Variants in AGAP1 observed in about 807,000 individuals in gnomAD.
AGAP1 encodes the protein ArfGAP with GTPase domain, ankyrin repeat and PH domain 1, also known as arf-GAP with GTPase, ANK repeat and PH domain-containing protein 1.
AGAP1 carries 29 observed loss-of-function variants against 105.3 expected under a neutral mutation model. The observed-to-expected ratio is 0.28, with a 90% confidence interval of 0.21 to 0.38. AGAP1 has a LOEUF of 0.38. Ranked by LOEUF, AGAP1 falls within the 10% of genes least tolerant of loss-of-function variation. AGAP1 has a pLI of 1.00. For synonymous variants in AGAP1, 509 were observed against 485.9 expected (o/e 1.05, Z -0.63); for missense variants, 998 against 1,165.1 (o/e 0.86, Z 2.09).
rs1303915689 is a variant in AGAP1 at position 235,659,604 on chromosome 2, C to A, written c.164-49575C>A. ...GAACGTGCCATTTGAAGCATAGCAA[C>A]CATTACTTTGAGAACCTGTGCAGGT... On this transcript the variant is annotated intron_variant, in intron 1 of 17. Coordinates refer to ENST00000304032, the MANE Select transcript of AGAP1 (RefSeq NM_001037131.3). The surrounding 1 kb of genome is among the most constrained non-coding windows in gnomAD (Gnocchi z 5.0). Among the ~76,000 whole-genome samples the A allele has an allele frequency of 1.3e-5, 2 of 152,206 alleles. No individual in the cohort carries two copies. Among genetic ancestry groups the A allele is most frequent in the Admixed American group, 6.5e-5 (1 of 15,284 alleles).
chr2:235,835,385 C>T (rs1559543780), intron 9 of AGAP1, among the ~76,000 whole-genome samples: 1 of 152,370 alleles, frequency 6.6e-6, no homozygotes, highest in Admixed American at 6.5e-5. Flanking sequence ...TGTGCTGCCA[C>T]ACCTGGCAGA....
chr2:235,780,045 G>T (rs771304414), intron 6 of AGAP1, among the ~76,000 whole-genome samples: 3 of 152,212 alleles, frequency 2.0e-5, no homozygotes, highest in Non-Finnish European at 4.4e-5. Flanking sequence ...AAGACCTGGA[G>T]TGATGGTATC....
At chr2:235,819,650 C>G (rs1007461250) in intron 9 of AGAP1, among the ~76,000 whole-genome samples, 1 of 152,052 alleles carries the variant, frequency 6.6e-6, no homozygotes, top group Non-Finnish European at 1.5e-5. Context: ...GAGATGTGTG[C>G]TCTTTCCTTT....
chr2:235,933,729 C>T (rs879465802), intron 12 of AGAP1, among the ~76,000 whole-genome samples: 8 of 151,598 alleles, frequency 5.3e-5, no homozygotes, highest in Non-Finnish European at 8.8e-5. Context: ...GACGGGGTTT[C>T]ACCATGTTGG....
intron 9 of AGAP1, among the ~76,000 whole-genome samples, chr2:235,817,976 G>A (rs1958555586): frequency 6.6e-6 from 1 of 152,210 alleles, no homozygotes; most frequent in Non-Finnish European, 1.5e-5. Flanking sequence ...GTTAATGTTT[G>A]CAGACTGGTG....
rs1944010890 is a variant in AGAP1 at position 235,557,477 on chromosome 2, G to A, written c.163+62628G>A. On this transcript the variant is annotated intron_variant, in intron 1 of 17. Transcript: ENST00000304032. The surrounding 1 kb of genome is among the most constrained non-coding windows in gnomAD (Gnocchi z 4.7). ...GCATGAAGTCTGAGTTCATTCCGAA[G>A]ATTCTGGCTTTTGAGAACTTATATA... Among the ~76,000 whole-genome samples, 3 of 152,200 alleles carry A rather than the reference G, an allele frequency of 2.0e-5. No homozygotes were observed. In the South Asian group the frequency reaches 6.2e-4, roughly 32 times the overall value.
rs1160704930 is a variant in AGAP1 at position 235,994,984 on chromosome 2, T to C, written c.1645+26361T>C. Among the ~76,000 whole-genome samples, 1 of 138,456 alleles carries C rather than the reference T, an allele frequency of 7.2e-6. No homozygotes were observed. The highest frequency in any genetic ancestry group is 1.5e-5 in the Non-Finnish European group (1 of 66,028). 90.8% of individuals were successfully genotyped at this position (138,456 alleles called of 152,430 possible). ...TGGGAGGCTGAGGCAAGAGAATTGC[T>C]TGAACCCGGGAGGCAGAGGTTGCAG... On this transcript the variant is annotated intron_variant, in intron 13 of 17. Coordinates refer to ENST00000304032, the MANE Select transcript of AGAP1 (RefSeq NM_001037131.3). The surrounding 1 kb of genome is among the most constrained non-coding windows in gnomAD (Gnocchi z 4.4).
At position 236,087,692 on chromosome 2, in the gene AGAP1, T is replaced by C. The variant is rs2058968228; in HGVS notation, c.2115-32500T>C. ...GTGCCGTGAATAGTCTCATAAGCCA[T>C]GTAAGTGGCCTTATTGGTTAAGTGA... On this transcript the variant is annotated intron_variant, in intron 16 of 17. Transcript: ENST00000304032. This position sits in a 1 kb window ranked among gnomAD's most constrained non-coding sequence, Gnocchi z 5.7. Among the ~76,000 whole-genome samples, 1 of 152,214 alleles carries C rather than the reference T, an allele frequency of 6.6e-6. No homozygotes were observed. Among genetic ancestry groups the C allele is most frequent in the Non-Finnish European group, 1.5e-5 (1 of 68,036 alleles).
At chr2:236,018,337 T>C (rs766802874) in intron 13 of AGAP1, among the ~76,000 whole-genome samples, 4 of 152,172 alleles carry the variant, frequency 2.6e-5, no homozygotes, top group African/African-American at 4.8e-5. Context: ...AATGTTCAAC[T>C]GAAAGTAAAT....
chr2:235,980,709 A>T (rs2125405737), intron 13 of AGAP1, among the ~76,000 whole-genome samples: 2 of 152,278 alleles, frequency 1.3e-5, no homozygotes, highest in South Asian at 2.1e-4. Context: ...TAGGCAGAGA[A>T]TTCTTCCTAC....
chr2:236,098,248 T>A (rs1440691805), intron 16 of AGAP1, among the ~76,000 whole-genome samples: 1 of 152,152 alleles, frequency 6.6e-6, no homozygotes, highest in Non-Finnish European at 1.5e-5. Flanking sequence ...TGAACCGTCA[T>A]ACCGGTTTTT....
At chr2:235,764,704 C>CATCTGGGAGCGTCCGTGGGTTGGGGGT (rs1954775957) in intron 6 of AGAP1, among the ~76,000 whole-genome samples, 1 of 76,976 alleles carries the variant, frequency 1.3e-5, no homozygotes, top group Non-Finnish European at 2.6e-5. Flanking sequence ...GGGGTGGGGG[C>CATCTGGGAGCGTCCGTGGGTTGGGGGT]ATCTGGGAGC....
chr2:235,797,809 C>G lies in AGAP1; in HGVS notation c.724C>G (p.Pro242Ala). 6.2e-7 allele frequency: 1 copy of G among 1,614,198 alleles called. No individual in the cohort carries two copies. Among genetic ancestry groups the G allele is most frequent in the Non-Finnish European group, 8.5e-7 (1 of 1,180,022 alleles). ...GAAGAAGCAGCAGCTGTCCATAGGACCCTGCAAGTCGCTACCTAATTCTCC... is the reference window on the plus strand; with the variant it reads ...GAAGAAGCAGCAGCTGTCCATAGGAGCCTGCAAGTCGCTACCTAATTCTCC... ...TRKKQQLSIG[P>A]CKSLPNSPSH... Residue 242 changes from proline (P) to alanine (A), a missense_variant, in exon 7 of 18, where the codon CCC (proline) becomes GCC (alanine). Physicochemically the swap from Pro to Ala is conservative, Grantham distance 27. Around this residue, in one of 3 missense-constraint regions of AGAP1, gnomAD observed 735 missense variants for 833.4 expected, o/e 0.88. Coordinates refer to ENST00000304032, the MANE Select transcript of AGAP1 (RefSeq NM_001037131.3).
At chr2:235,630,666 T>C (rs997123444) in intron 1 of AGAP1, among the ~76,000 whole-genome samples, 2 of 152,256 alleles carry the variant, frequency 1.3e-5, no homozygotes, top group Non-Finnish European at 2.9e-5. Flanking sequence ...GAGCAGCAGC[T>C]GATGTGTGCC....
rs777483400 is a variant in AGAP1 at position 235,750,211 on chromosome 2, A to G, written c.539-143A>G. 8.0e-5 allele frequency: 99 copies of G among 1,236,766 alleles called. No homozygotes were observed. Among genetic ancestry groups the G allele is most frequent in the Middle Eastern group, 2.0e-4 (1 of 5,084 alleles). The allele number at this position is 1,236,766 out of a possible 1,614,324, so 76.6% of individuals were successfully genotyped here. On this transcript the variant is annotated intron_variant, in intron 5 of 17. Coordinates refer to ENST00000304032, the MANE Select transcript of AGAP1 (RefSeq NM_001037131.3). This position sits in a 1 kb window ranked among gnomAD's most constrained non-coding sequence, Gnocchi z 5.3. ...TGTTTGAGTCTCTTAGTTGGGAGGC[A>G]AACGATGCTCTACAATTCCAGATTC... is the stretch of plus-strand genomic sequence containing the variant.
At chr2:235,530,616 A>G (rs1943011340) in intron 1 of AGAP1, among the ~76,000 whole-genome samples, 1 of 151,914 alleles carries the variant, frequency 6.6e-6, no homozygotes, top group South Asian at 2.1e-4. Flanking sequence ...GCTGTGTAGC[A>G]TCTTCCGATC....
In AGAP1 at chr2:235,612,644, C is replaced by T. The variant is rs77881651; in HGVS notation, c.164-96535C>T. 2.9e-4 allele frequency among the ~76,000 whole-genome samples: 44 copies of T among 152,218 alleles called. No homozygotes were observed. Among genetic ancestry groups the T allele is most frequent in the African/African-American group, 8.9e-4 (37 of 41,456 alleles). On this transcript the variant is annotated intron_variant, in intron 1 of 17. Coordinates refer to ENST00000304032, the MANE Select transcript of AGAP1 (RefSeq NM_001037131.3). This position sits in a 1 kb window ranked among gnomAD's most constrained non-coding sequence, Gnocchi z 4.3. ...TCATGTTAAGAACAGTTGTGGTTCA[C>T]GTGTACCAAACTTGGGAAATCCTGA...
intron 9 of AGAP1, among the ~76,000 whole-genome samples, chr2:235,869,065 TAAG>T (rs766427219): frequency 2.0e-5 from 3 of 152,150 alleles, no homozygotes; most frequent in Non-Finnish European, 4.4e-5. Context: ...CCAAGTAACA[TAAG>T]AAGAATAATT....
chr2:235,858,134 A>G (rs984159568), intron 9 of AGAP1, among the ~76,000 whole-genome samples: 5 of 152,236 alleles, frequency 3.3e-5, no homozygotes, highest in African/African-American at 1.2e-4. Flanking sequence ...GCAATCTTTA[A>G]TGAATTCCAT....
Sources: gnomAD v4.1 joint callset for allele counts (sites outside exome capture counted in the v4.1 genomes callset) on GRCh38, gnomAD v4.1.1 for gene constraint, gnomAD v4.1.1 regional missense constraint, Gnocchi (gnomAD v3.1) non-coding constraint, MANE v1.5 for transcripts, NCBI Gene and HGNC (gene_info 2026-07-23, HGNC 2026-07-21) for gene names.